Variants in NFRKB observed in about 807,000 individuals in gnomAD.
NFRKB encodes nuclear factor related to kappa-B-binding protein.
Under a neutral mutation model 135.7 loss-of-function variants are expected in NFRKB, and 62 were observed. That is an observed-to-expected ratio of 0.46 (90% confidence interval 0.37 to 0.56). NFRKB has a LOEUF of 0.56. Among genes scored for constraint, NFRKB ranks in the 20% least tolerant of loss-of-function variants. The pLI, the probability that NFRKB is intolerant of heterozygous loss-of-function variation, is 0.00. For missense variants in NFRKB, 1,545 were observed against 1,662.0 expected (o/e 0.93, Z 1.22); for synonymous variants, 678 against 635.6 (o/e 1.07, Z -1.00).
chr11:129,864,569 C>A lies in NFRKB; in HGVS notation c.*156G>T. 1 of 1,001,534 alleles carries A rather than the reference C, an allele frequency of 1.0e-6. No homozygotes were observed. Among genetic ancestry groups the A allele is most frequent in the Non-Finnish European group, 1.5e-6 (1 of 685,012 alleles). The allele number at this position is 1,001,534 out of a possible 1,614,324, so 62.0% of individuals were successfully genotyped here. A position where few individuals can be genotyped will look rare whatever the true frequency, so the allele number is the denominator to read the frequency against. Reference sequence around the variant, plus strand: ...GGTGCTCCACTATGGCACGTGGCAGCAGAATCCAGGCCACGAATCCAGGCC... The same window carrying A: ...GGTGCTCCACTATGGCACGTGGCAGAAGAATCCAGGCCACGAATCCAGGCC... On this transcript the variant is annotated 3_prime_UTR_variant, in exon 27 of 27. Coordinates refer to ENST00000682444, the MANE Select transcript of NFRKB (RefSeq NM_001143835.2).
chr11:129,883,333 T>C (rs113722728), intron 8 of NFRKB, 127 bp from the exon 9 acceptor site: 10 of 686,090 alleles, frequency 1.5e-5, no homozygotes, highest in South Asian at 7.0e-5. Flanking sequence ...GTCAAAAATA[T>C]AGAGAGATAA....
rs368752415 is a variant in NFRKB at position 129,869,678 on chromosome 11, G to A, written c.3347C>T (p.Ser1116Leu). The change falls in exon 24 of 27, where the codon TCG (serine) becomes TTG (leucine). Residue 1116 changes from serine to leucine, a missense_variant. Ser to Leu is a moderately radical substitution (Grantham distance 145). Around this residue, in one of 3 missense-constraint regions of NFRKB, gnomAD observed 753 missense variants for 804.3 expected, o/e 0.94. Coordinates refer to ENST00000682444, the MANE Select transcript of NFRKB (RefSeq NM_001143835.2). ...TVATHAKQGA[S>L]VASGSGTVHT... is the part of the protein sequence containing the mutation. ...GACAGTTCCAGACCCACTGGCCACC[G>A]AGGCCCCTTGCTTGGCGTGGGTTGC... is the stretch of plus-strand genomic sequence containing the variant. 2.5e-5 allele frequency: 40 copies of A among 1,614,216 alleles called. No individual in the cohort carries two copies. The highest frequency in any genetic ancestry group is 8.3e-5 in the Admixed American group (5 of 60,032).
chr11:129,865,231 GGAAACCAA>G, intron 25 of NFRKB, 130 bp from the exon 26 acceptor site: 1 of 1,087,962 alleles, frequency 9.2e-7, no homozygotes, highest in Non-Finnish European at 1.3e-6. Context: ...AGATTGAAAT[GGAAACCAA>G]CTGCTGAGAC....
intron 8 of NFRKB, 149 bp from the exon 9 acceptor site, chr11:129,883,355 T>G (rs1414114629): frequency 3.2e-6 from 2 of 634,104 alleles, no homozygotes; most frequent in Admixed American, 2.8e-5. Flanking sequence ...ACTATTCATT[T>G]TTTCCCTATC....
At position 129,869,102 on chromosome 11, in the gene NFRKB, GA is replaced by G. The variant is rs370754905; in HGVS notation, c.3531+391del. Among the ~76,000 whole-genome samples the G allele has an allele frequency of 1.4e-3, 207 of 152,300 alleles. 1 individual carries two copies. The highest frequency in any genetic ancestry group is 4.9e-3 in the African/African-American group (203 of 41,562). On this transcript the variant is annotated intron_variant, in intron 24 of 26. Transcript: ENST00000682444. ...TTTTTTAAACTACGTGTACATGTAT[GA>G]AAATGCTCAAGAAAAGGACTAGGAG...
chr11:129,867,322 CTTTTTT>C (rs894926200), intron 24 of NFRKB, among the ~76,000 whole-genome samples: 1 of 129,518 alleles, frequency 7.7e-6, no homozygotes, highest in Admixed American at 7.8e-5. Context: ...CTAAGTAACT[CTTTTTT>C]TTTTTTTTTT....
At chr11:129,889,414 A>AT (rs1388308852) in intron 3 of NFRKB, among the ~76,000 whole-genome samples, 1 of 152,130 alleles carries the variant, frequency 6.6e-6, no homozygotes. Context: ...CAACGAGGGT[A>AT]TGAGGGTGGA....
At chr11:129,886,949 C>T (rs1949307802) in intron 4 of NFRKB, among the ~76,000 whole-genome samples, 1 of 152,192 alleles carries the variant, frequency 6.6e-6, no homozygotes, top group Non-Finnish European at 1.5e-5. Context: ...TTCCTTTTTA[C>T]ACTAGTAACC....
At chr11:129,866,858 A>C (rs1948215532) in intron 24 of NFRKB, among the ~76,000 whole-genome samples, 1 of 152,174 alleles carries the variant, frequency 6.6e-6, no homozygotes, top group Non-Finnish European at 1.5e-5. Context: ...GAGGCAGGCT[A>C]ACACTAAGGA....
chr11:129,877,275 T>C (rs748731353), intron 16 of NFRKB, 50 bp downstream of exon 16: 1 of 1,563,882 alleles, frequency 6.4e-7, no homozygotes, highest in South Asian at 1.1e-5. Context: ...AGAGCATCTC[T>C]CTGCATGGCT....
chr11:129,873,723 T>C (rs760567066), intron 22 of NFRKB, 22 bp downstream of exon 22: 5 of 1,604,334 alleles, frequency 3.1e-6, no homozygotes, highest in Admixed American at 1.7e-5. Context: ...TGCTTCCCAA[T>C]GACCACGGCT....
chr11:129,888,330 G>GT, intron 4 of NFRKB: 1 of 635,364 alleles, frequency 1.6e-6, no homozygotes, highest in Non-Finnish European at 2.8e-6. Context: ...TGCTGGAAAT[G>GT]TTTTATTTTT....
intron 17 of NFRKB, 48 bp downstream of exon 17, chr11:129,876,673 C>G: frequency 6.6e-7 from 1 of 1,523,206 alleles, no homozygotes; most frequent in Non-Finnish European, 9.0e-7. Context: ...AAGAGAAAAG[C>G]TGCGGGGTGA....
At chr11:129,890,391 A>C (rs1184513486) in intron 3 of NFRKB, among the ~76,000 whole-genome samples, 1 of 152,184 alleles carries the variant, frequency 6.6e-6, no homozygotes, top group Non-Finnish European at 1.5e-5. Context: ...GAGTAACATA[A>C]AGGGACTGCC....
chr11:129,888,773 A>G lies in NFRKB; in HGVS notation c.158T>C (p.Val53Ala), dbSNP rs778692194. 3.7e-6 allele frequency: 6 copies of G among 1,614,046 alleles called. No homozygotes were observed. Among genetic ancestry groups the G allele is most frequent in the Non-Finnish European group, 5.1e-6 (6 of 1,179,890 alleles). The change falls in exon 4 of 27, where the codon GTC becomes GCC. Residue 53 changes from valine to alanine, a missense_variant. Coordinates refer to ENST00000682444, the MANE Select transcript of NFRKB (RefSeq NM_001143835.2). ...CACTTCCTGCCATGTTGAGAGGCTG[A>G]CAACATCAAAGAAGATCTCAGGCTA... ...LEDPEIFFDVVSLSTWQEVLS... is the reference protein window; with the variant it reads ...LEDPEIFFDVASLSTWQEVLS...
At chr11:129,892,324 C>T (rs1271261423) in intron 3 of NFRKB, among the ~76,000 whole-genome samples, 2 of 149,920 alleles carry the variant, frequency 1.3e-5, no homozygotes, top group African/African-American at 4.8e-5. Context: ...TCCCAAGTTC[C>T]TTCACTTAGA....
At chr11:129,884,476 C>T (rs1453884389) in intron 7 of NFRKB, among the ~76,000 whole-genome samples, 6 of 152,200 alleles carry the variant, frequency 3.9e-5, no homozygotes, top group African/African-American at 1.4e-4. Context: ...ACTGCCCCTT[C>T]GTACTACTGT....
At chr11:129,891,407 G>T (rs1476510932) in intron 3 of NFRKB, among the ~76,000 whole-genome samples, 1 of 152,158 alleles carries the variant, frequency 6.6e-6, no homozygotes, top group Non-Finnish European at 1.5e-5. Flanking sequence ...AGTTTAACTG[G>T]TCTGGACATT....
Position 129,873,756 on chromosome 11 carries a change from C to G in NFRKB, c.2539G>C (p.Val847Leu), listed in dbSNP as rs1343363741. The change falls in exon 22 of 27, where the codon GTA becomes CTA. Residue 847 changes from valine (V) to leucine (L), a missense_variant. Transcript: ENST00000682444. ...RVPATATQTK[V>L]VPQTVMATVP... ...GCTTCCCTGTTTACCTGGGGCACTA[C>G]TTTGGTCTGTGTGGCAGTGGCTGGA... is the stretch of plus-strand genomic sequence containing the variant. The G allele has an allele frequency of 6.2e-7, 1 of 1,613,910 alleles. No individual in the cohort carries two copies. The highest frequency in any genetic ancestry group is 1.7e-5 in the Admixed American group (1 of 60,020).
Sources: gnomAD v4.1 joint callset for allele counts (sites outside exome capture counted in the v4.1 genomes callset) on GRCh38, gnomAD v4.1.1 for gene constraint, gnomAD v4.1.1 regional missense constraint, MANE v1.5 for transcripts, NCBI Gene and HGNC (gene_info 2026-07-23, HGNC 2026-07-21) for gene names.